Variants in YAP1 observed in about 807,000 individuals in gnomAD.
The protein encoded by YAP1 is Yes1 associated transcriptional regulator, also known as transcriptional coactivator YAP1.
Under a neutral mutation model 56.9 loss-of-function variants are expected in YAP1, and 5 were observed. That is an observed-to-expected ratio of 0.09 (90% confidence interval 0.05 to 0.18). The LOEUF (loss-of-function observed/expected upper bound fraction) is 0.18, where lower values mean the gene tolerates loss of function less well. Among genes scored for constraint, YAP1 ranks in the 10% least tolerant of loss-of-function variants. The pLI is 1.00. For synonymous variants in YAP1, 265 were observed against 248.1 expected, an observed-to-expected ratio of 1.07 and a Z score of -0.64; for missense variants, 539 against 651.8, an observed-to-expected ratio of 0.83 and a Z score of 1.88.
chr11:102,174,720 G>T (rs955464609), intron 3 of YAP1, among the ~76,000 whole-genome samples: 9 of 152,150 alleles, frequency 5.9e-5, no homozygotes, highest in African/African-American at 2.2e-4. Flanking sequence ...GTATTTGGTG[G>T]CAGTGCTAAG....
intron 3 of YAP1, among the ~76,000 whole-genome samples, chr11:102,180,385 G>T (rs1947521006): frequency 6.6e-6 from 1 of 151,962 alleles, no homozygotes; most frequent in Admixed American, 6.6e-5. Context: ...CATGCATAAT[G>T]AAATAATACT....
chr11:102,167,452 T>C (rs1340530996), intron 3 of YAP1, among the ~76,000 whole-genome samples: 1 of 152,228 alleles, frequency 6.6e-6, no homozygotes, highest in African/African-American at 2.4e-5. Context: ...TTAAAATTTA[T>C]AGCTGGGTGC....
intron 2 of YAP1, among the ~76,000 whole-genome samples, chr11:102,162,127 G>A (rs1038629460): frequency 6.6e-6 from 1 of 152,116 alleles, no homozygotes; most frequent in Non-Finnish European, 1.5e-5. Context: ...TTAGTCATAT[G>A]GTTACTCTTT....
chr11:102,203,887 G>A (rs1948999403), intron 4 of YAP1, among the ~76,000 whole-genome samples: 1 of 152,068 alleles, frequency 6.6e-6, no homozygotes, highest in South Asian at 2.1e-4. Context: ...AATGAATTAA[G>A]TTCAATTCAA....
chr11:102,124,861 A>G lies in YAP1; in HGVS notation c.572+10467A>G, dbSNP rs1446509852. ...AGCGATCCTCCCTCCTCAGTGTCCT[A>G]AGTAGCTGGGATCACAGATTGCGTA... On this transcript the variant is annotated intron_variant, in intron 2 of 8. Coordinates refer to ENST00000282441, the MANE Select transcript of YAP1 (RefSeq NM_001130145.3). 2.6e-5 allele frequency among the ~76,000 whole-genome samples: 4 copies of G among 152,188 alleles called. No homozygotes were observed. In the East Asian group the frequency reaches 7.7e-4, roughly 29 times the overall value.
chr11:102,157,428 C>T (rs775086493), intron 2 of YAP1, among the ~76,000 whole-genome samples: 2 of 152,148 alleles, frequency 1.3e-5, no homozygotes, highest in Non-Finnish European at 2.9e-5. Flanking sequence ...AACACTTGCA[C>T]AACAAACATG....
chr11:102,224,596 T>A (rs1027583507), intron 7 of YAP1, among the ~76,000 whole-genome samples: 3 of 152,316 alleles, frequency 2.0e-5, no homozygotes, highest in South Asian at 2.1e-4. Flanking sequence ...ACCAATTGAA[T>A]TGGAAACTTA....
intron 2 of YAP1, among the ~76,000 whole-genome samples, chr11:102,126,450 A>C (rs1028179260): frequency 6.6e-6 from 1 of 152,156 alleles, no homozygotes; most frequent in Admixed American, 6.5e-5. Context: ...ATAGTGAATA[A>C]GTCTCATGAG....
At chr11:102,206,560 CT>C (rs1365716712) in intron 5 of YAP1, among the ~76,000 whole-genome samples, 1 of 152,114 alleles carries the variant, frequency 6.6e-6, no homozygotes, top group Admixed American at 6.5e-5. Context: ...TAAATGTTAC[CT>C]TTGGCCAGGT....
intron 2 of YAP1, among the ~76,000 whole-genome samples, chr11:102,125,524 G>C (rs1399298739): frequency 6.6e-6 from 1 of 151,646 alleles, no homozygotes; most frequent in Non-Finnish European, 1.5e-5. Context: ...TTACAGGCAT[G>C]CGTCATCATG....
At chr11:102,210,409 A>G (rs1949339804) in intron 6 of YAP1, among the ~76,000 whole-genome samples, 1 of 152,188 alleles carries the variant, frequency 6.6e-6, no homozygotes, top group Admixed American at 6.5e-5. Context: ...GAGTTGGCAA[A>G]ATTCTACTCA....
chr11:102,116,468 T>G (rs1051283321), intron 2 of YAP1, among the ~76,000 whole-genome samples: 5 of 152,342 alleles, frequency 3.3e-5, no homozygotes, highest in Admixed American at 6.5e-5. Flanking sequence ...ATTCTTCCTT[T>G]GTGAAGAAAT....
intron 2 of YAP1, among the ~76,000 whole-genome samples, chr11:102,153,877 C>A (rs1945800839): frequency 6.6e-6 from 1 of 151,886 alleles, no homozygotes; most frequent in African/African-American, 2.4e-5. Context: ...TCTGTAAGAC[C>A]TAGAAACCTG....
chr11:102,182,513 CAGTT>C (rs1296204165), intron 3 of YAP1, among the ~76,000 whole-genome samples: 1 of 152,160 alleles, frequency 6.6e-6, no homozygotes, highest in East Asian at 1.9e-4. Context: ...GGTTATTCAA[CAGTT>C]AGTTTAAGAG....
At chr11:102,140,583 A>G (rs1052670679) in intron 2 of YAP1, among the ~76,000 whole-genome samples, 3 of 152,142 alleles carry the variant, frequency 2.0e-5, no homozygotes, top group African/African-American at 7.2e-5. Flanking sequence ...GGTGGCTCAC[A>G]CCTGTAATCC....
chr11:102,135,094 C>T (rs1411600654), intron 2 of YAP1, among the ~76,000 whole-genome samples: 1 of 152,154 alleles, frequency 6.6e-6, no homozygotes, highest in East Asian at 1.9e-4. Flanking sequence ...GTCTTGAACT[C>T]CTGACCTCAG....
At chr11:102,112,597 C>A in intron 1 of YAP1, 1 of 985,248 alleles carries the variant, frequency 1.0e-6, no homozygotes, top group Non-Finnish European at 1.2e-6. Flanking sequence ...CTCCTATTTG[C>A]AGGCCTGTTG....
chr11:102,142,066 A>G (rs752612139), intron 2 of YAP1, among the ~76,000 whole-genome samples: 1 of 152,250 alleles, frequency 6.6e-6, no homozygotes, highest in Non-Finnish European at 1.5e-5. Context: ...AGAATAAAGT[A>G]TAAGTTTAAT....
Position 102,228,634 on chromosome 11 carries a change from C to CAAAAAA in YAP1, c.1277-1046_1277-1041dup, listed in dbSNP as rs71059544. Among the ~76,000 whole-genome samples the CAAAAAA allele has an allele frequency of 1.3e-3, 41 of 31,638 alleles. 1 individual carries two copies. The highest frequency in any genetic ancestry group is 2.8e-3 in the Admixed American group (6 of 2,170). 20.8% of individuals were successfully genotyped at this position (31,638 alleles called of 152,430 possible). A position where few individuals can be genotyped will look rare whatever the true frequency, so the allele number is the denominator to read the frequency against. On this transcript the variant is annotated intron_variant, in intron 8 of 8. Coordinates refer to ENST00000282441, the MANE Select transcript of YAP1 (RefSeq NM_001130145.3). Reference sequence around the variant, plus strand: ...TGGGTGACAGAGCAAGACTCCGTCTCAAAAAAAAAAAAAAAAAAAAAAAAA... The same window carrying CAAAAAA: ...TGGGTGACAGAGCAAGACTCCGTCTCAAAAAAAAAAAAAAAAAAAAAAAAAAAAAAA...
Sources: allele counts gnomAD v4.1 joint callset (sites outside exome capture counted in the v4.1 genomes callset), GRCh38; gene constraint gnomAD v4.1.1; transcripts MANE v1.5; gene names NCBI Gene and HGNC (gene_info 2026-07-23, HGNC 2026-07-21).